ZBBX: variants seen among roughly 807,000 people sequenced by gnomAD.
The protein encoded by ZBBX is zinc finger B-box domain-containing protein 1.
Under a neutral mutation model 108.5 loss-of-function variants are expected in ZBBX, and 101 were observed. The ratio of observed to expected loss-of-function variants is 0.93; its 90% CI spans 0.79 to 1.10. The LOEUF is 1.10. Among genes scored for constraint, ZBBX ranks in the 50% least tolerant of loss-of-function variants. ZBBX has a pLI of 0.00. For missense variants in ZBBX, 1,009 were observed against 941.4 expected (o/e 1.07, Z -0.94); for synonymous variants, 356 against 323.4 (o/e 1.10, Z -1.08).
chr3:167,259,519 G>A (rs1724095407), intron 20 of ZBBX, among the ~76,000 whole-genome samples: 1 of 151,980 alleles, frequency 6.6e-6, no homozygotes, highest in African/African-American at 2.4e-5. Flanking sequence ...TGCTGGGTTT[G>A]GGTTTGGTTT....
chr3:167,362,354 G>C (rs1351134314), intron 6 of ZBBX, among the ~76,000 whole-genome samples: 1 of 152,024 alleles, frequency 6.6e-6, no homozygotes, highest in Non-Finnish European at 1.5e-5. Context: ...TTACCACACA[G>C]ACATATTATC....
intron 6 of ZBBX, among the ~76,000 whole-genome samples, chr3:167,364,443 A>G (rs567872711): frequency 6.6e-6 from 1 of 152,128 alleles, no homozygotes; most frequent in African/African-American, 2.4e-5. Flanking sequence ...TTACTTCGCC[A>G]TTCTTTTTCT....
In ZBBX at chr3:167,323,067, G is replaced by GC. The variant is rs148315939; in HGVS notation, c.863-831dup. Among the ~76,000 whole-genome samples, 55 of 152,116 alleles carry GC rather than the reference G, an allele frequency of 3.6e-4. 1 individual carries two copies. In the East Asian group the frequency reaches 7.2e-3, roughly 20 times the overall value. On this transcript the variant is annotated intron_variant, in intron 11 of 21. Coordinates refer to ENST00000675490, the MANE Select transcript of ZBBX (RefSeq NM_001199201.2). ...ACTTCTATTTTTCCCAAAGAGTAGA[G>GC]CAGTGTTGAAGAAAGCAATTGGAAA...
At chr3:167,246,985 A>T (rs1020003494) in intron 20 of ZBBX, among the ~76,000 whole-genome samples, 1 of 152,214 alleles carries the variant, frequency 6.6e-6, no homozygotes, top group Non-Finnish European at 1.5e-5. Flanking sequence ...TGTATGTAGG[A>T]AGTGATACGG....
chr3:167,230,754 G>T, the ZBBX span, among the ~76,000 whole-genome samples: 11 of 151,866 alleles, frequency 7.2e-5, no homozygotes, highest in South Asian at 8.3e-4. Context: ...CTTTGGAAGC[G>T]ATTGGGAAAA....
In ZBBX at chr3:167,314,154, A is replaced by G. The variant is rs573456120; in HGVS notation, c.1275-38T>C. ...GGAACAAACAAAATAATAGAGTTGA[A>G]AAAATGATTTTAAAAAGAAAATTTT... On this transcript the variant is annotated intron_variant, in intron 15 of 21. Transcript: ENST00000675490. The G allele has an allele frequency of 1.4e-4, 206 of 1,518,518 alleles. 1 individual carries two copies. The East Asian group carries it at 4.8e-3, about 35-fold the overall frequency. 94.1% of individuals were successfully genotyped at this position (1,518,518 alleles called of 1,614,324 possible). A position where few individuals can be genotyped will look rare whatever the true frequency, so the allele number is the denominator to read the frequency against.
rs545160652 is a variant in ZBBX at position 167,276,037 on chromosome 3, C to A, written c.2254+6201G>T. On this transcript the variant is annotated intron_variant, in intron 20 of 21. Coordinates refer to ENST00000675490, the MANE Select transcript of ZBBX (RefSeq NM_001199201.2). The stretch of plus-strand genomic sequence containing the variant: ...GGGGCAGACTGACACCTCACACGGC[C>A]GGGTACTCCAACAGACCTGCAGCTG... 5.7e-3 allele frequency among the ~76,000 whole-genome samples: 852 copies of A among 150,614 alleles called. 8 individuals carry two copies. The highest frequency in any genetic ancestry group is 9.2e-3 in the Non-Finnish European group (618 of 67,068).
intron 20 of ZBBX, among the ~76,000 whole-genome samples, chr3:167,247,877 G>A (rs74617592): frequency 0.05 from 7,629 of 152,160 alleles, 528 homozygotes; most frequent in African/African-American, 0.15. Flanking sequence ...TCTTTTCTGC[G>A]GGTAAGAAGC....
At chr3:167,387,346 T>C (rs1349909120) in intron 1 of ZBBX, among the ~76,000 whole-genome samples, 2 of 152,008 alleles carry the variant, frequency 1.3e-5, no homozygotes, top group East Asian at 1.9e-4. Context: ...ACTGTGAGAA[T>C]ATTATCAGAA....
chr3:167,229,468 A>T, the ZBBX span, among the ~76,000 whole-genome samples: 38 of 151,964 alleles, frequency 2.5e-4, no homozygotes, highest in African/African-American at 9.2e-4. Flanking sequence ...CTCAGGGCCT[A>T]ACACATAATG....
intron 20 of ZBBX, among the ~76,000 whole-genome samples, chr3:167,255,331 T>C (rs1723316894): frequency 6.6e-6 from 1 of 152,056 alleles, no homozygotes; most frequent in Admixed American, 6.6e-5. Context: ...GACATTATCA[T>C]GAATGCTATA....
At chr3:167,187,220 C>T in the ZBBX span, among the ~76,000 whole-genome samples, 23 of 152,096 alleles carry the variant, frequency 1.5e-4, no homozygotes, top group Non-Finnish European at 4.4e-5. Context: ...CCAAGTGAAA[C>T]GGCAAAAGTA....
At chr3:167,306,031 T>C in intron 16 of ZBBX, 81 bp from the exon 17 acceptor site, 7 of 1,222,634 alleles carry the variant, frequency 5.7e-6, no homozygotes, top group South Asian at 2.1e-5. Flanking sequence ...AAAAGTTCTG[T>C]GGTAAAAAAA....
intron 16 of ZBBX, among the ~76,000 whole-genome samples, chr3:167,313,333 C>T (rs1359934378): frequency 3.3e-5 from 5 of 152,048 alleles, no homozygotes; most frequent in Admixed American, 6.6e-5. Flanking sequence ...TGGAGTGCAA[C>T]GGTGTGATCT....
intron 10 of ZBBX, among the ~76,000 whole-genome samples, chr3:167,331,232 A>G (rs1350283423): frequency 2.0e-5 from 3 of 152,132 alleles, no homozygotes; most frequent in Non-Finnish European, 4.4e-5. Flanking sequence ...TGAAAATACT[A>G]CAGAAAATAA....
chr3:167,249,887 C>T (rs558430606), intron 20 of ZBBX, among the ~76,000 whole-genome samples: 2 of 152,128 alleles, frequency 1.3e-5, no homozygotes, highest in South Asian at 2.1e-4. Context: ...ATCCCAGTGA[C>T]GAGATGGAAG....
the ZBBX span, among the ~76,000 whole-genome samples, chr3:167,224,997 T>G: frequency 6.6e-6 from 1 of 152,026 alleles, no homozygotes; most frequent in African/African-American, 2.4e-5. Flanking sequence ...TGTTTCTTGT[T>G]GCAGGAGGAC....
the ZBBX span, among the ~76,000 whole-genome samples, chr3:167,193,226 C>T: frequency 6.6e-6 from 1 of 152,076 alleles, no homozygotes; most frequent in Non-Finnish European, 1.5e-5. Context: ...CCAGATTTGC[C>T]TCAGTTCTAG....
chr3:167,271,588 C>G (rs1726526879), intron 20 of ZBBX, among the ~76,000 whole-genome samples: 1 of 152,190 alleles, frequency 6.6e-6, no homozygotes, highest in Non-Finnish European at 1.5e-5. Flanking sequence ...TCAAGGGACC[C>G]ACTGGGGACC....
Sources: allele counts gnomAD v4.1 joint callset (sites outside exome capture counted in the v4.1 genomes callset), GRCh38; gene constraint gnomAD v4.1.1; transcripts MANE v1.5; gene names NCBI Gene and HGNC (gene_info 2026-07-23, HGNC 2026-07-21).